Variants in KCNMA1 observed in about 807,000 individuals in gnomAD.
KCNMA1 encodes potassium calcium-activated channel subfamily M alpha 1, also known as Calcium-activated potassium channel subunit alpha-1.
In KCNMA1, 29 loss-of-function variants were observed where a neutral mutation model predicts 140.0. The ratio of observed to expected loss-of-function variants is 0.21; its 90% confidence interval spans 0.15 to 0.28. The LOEUF (loss-of-function observed/expected upper bound fraction) is 0.28, where lower values mean the gene tolerates loss of function less well. Among genes scored for constraint, KCNMA1 ranks in the 10% least tolerant of loss-of-function variants. The pLI is 1.00. For missense variants in KCNMA1, 880 were observed against 1,602.2 expected (o/e 0.55, Z 7.70); for synonymous variants, 612 against 611.9 (o/e 1.00, Z 0.00).
chr10:77,238,742 G>A (rs1434983500), intron 3 of KCNMA1, among the ~76,000 whole-genome samples: 1 of 152,184 alleles, frequency 6.6e-6, no homozygotes, highest in East Asian at 1.9e-4. Flanking sequence ...TGATCTTCAT[G>A]GCAGAAGAAA....
intron 1 of KCNMA1, among the ~76,000 whole-genome samples, chr10:77,536,371 C>T (rs993060997): frequency 6.6e-6 from 1 of 152,148 alleles, no homozygotes; most frequent in Non-Finnish European, 1.5e-5. Context: ...ATGGGCTTTC[C>T]CAGAGCTTAC....
At chr10:77,395,635 G>T (rs2096020385) in intron 2 of KCNMA1, among the ~76,000 whole-genome samples, 1 of 152,240 alleles carries the variant, frequency 6.6e-6, no homozygotes, top group Non-Finnish European at 1.5e-5. Flanking sequence ...CGAGGAGGGG[G>T]ATGAGAAATG....
At chr10:77,069,664 G>A (rs1196317820) in intron 14 of KCNMA1, among the ~76,000 whole-genome samples, 13 of 152,176 alleles carry the variant, frequency 8.5e-5, no homozygotes, top group Non-Finnish European at 1.5e-5. Flanking sequence ...ACATAGGAGT[G>A]AGGTTTTCAG....
At chr10:76,927,606 T>A (rs905276233) in intron 23 of KCNMA1, among the ~76,000 whole-genome samples, 21 of 152,220 alleles carry the variant, frequency 1.4e-4, no homozygotes, top group African/African-American at 4.8e-4. Flanking sequence ...TTAATGATAA[T>A]ATGGTTCTAG....
At chr10:77,196,581 T>C (rs2040572473) in intron 3 of KCNMA1, among the ~76,000 whole-genome samples, 1 of 152,204 alleles carries the variant, frequency 6.6e-6, no homozygotes, top group Non-Finnish European at 1.5e-5. Context: ...ATATGGTTAA[T>C]AGAATAGGAG....
chr10:77,350,047 T>C (rs2092687242), intron 2 of KCNMA1, among the ~76,000 whole-genome samples: 1 of 152,088 alleles, frequency 6.6e-6, no homozygotes. Context: ...TACAGGCGCC[T>C]GCCACCACAC....
intron 5 of KCNMA1, among the ~76,000 whole-genome samples, chr10:77,160,534 G>A (rs935856859): frequency 2.0e-5 from 3 of 152,226 alleles, no homozygotes; most frequent in African/African-American, 7.2e-5. Context: ...AGCAGGGGCA[G>A]ACCATAGTTC....
intron 2 of KCNMA1, among the ~76,000 whole-genome samples, chr10:77,381,244 A>C (rs2095372301): frequency 6.6e-6 from 1 of 152,230 alleles, no homozygotes; most frequent in African/African-American, 2.4e-5. Context: ...TAGTGGAGAC[A>C]GGGGAAGATA....
At chr10:77,448,371 A>G (rs2097567216) in intron 1 of KCNMA1, among the ~76,000 whole-genome samples, 2 of 152,242 alleles carry the variant, frequency 1.3e-5, no homozygotes, top group Admixed American at 1.3e-4. Context: ...TGCTGGGTAC[A>G]CATGACACAG....
chr10:76,988,643 C>T (rs897806087), intron 19 of KCNMA1, among the ~76,000 whole-genome samples: 5 of 152,132 alleles, frequency 3.3e-5, no homozygotes, highest in African/African-American at 1.2e-4. Flanking sequence ...CTGTTCTCCT[C>T]TTTTTGTGTT....
intron 3 of KCNMA1, among the ~76,000 whole-genome samples, chr10:77,210,259 G>A (rs2045618658): frequency 6.6e-6 from 1 of 152,136 alleles, no homozygotes; most frequent in Admixed American, 6.6e-5. Flanking sequence ...GGTTGGTTCA[G>A]TATATGCAAA....
chr10:77,301,504 A>G (rs1370922675), intron 2 of KCNMA1, among the ~76,000 whole-genome samples: 2 of 152,074 alleles, frequency 1.3e-5, no homozygotes, highest in Admixed American at 1.3e-4. Flanking sequence ...CTTTTGAAGG[A>G]TTATATTTCC....
At chr10:77,616,046 C>T (rs1384865262) in intron 1 of KCNMA1, among the ~76,000 whole-genome samples, 1 of 152,210 alleles carries the variant, frequency 6.6e-6, no homozygotes, top group Non-Finnish European at 1.5e-5. Flanking sequence ...AAATTGGCCA[C>T]AACCACCAAG....
intron 3 of KCNMA1, among the ~76,000 whole-genome samples, chr10:77,231,055 C>T (rs944682283): frequency 2.0e-5 from 3 of 152,184 alleles, no homozygotes; most frequent in African/African-American, 7.2e-5. Context: ...TGACAAGTTA[C>T]TTAGCTTGGG....
At chr10:77,006,023 T>G (rs1041228829) in intron 18 of KCNMA1, among the ~76,000 whole-genome samples, 2 of 152,170 alleles carry the variant, frequency 1.3e-5, no homozygotes, top group African/African-American at 4.8e-5. Flanking sequence ...GCTGTCAAAC[T>G]CAGGTTCTCT....
At chr10:77,536,028 A>G (rs1815284612) in intron 1 of KCNMA1, among the ~76,000 whole-genome samples, 1 of 152,262 alleles carries the variant, frequency 6.6e-6, no homozygotes, top group Admixed American at 6.5e-5. Flanking sequence ...CAAAATAGCT[A>G]GAAGAGAATA....
intron 1 of KCNMA1, among the ~76,000 whole-genome samples, chr10:77,406,685 T>C (rs1364498091): frequency 1.3e-5 from 2 of 152,126 alleles, no homozygotes; most frequent in African/African-American, 4.8e-5. Flanking sequence ...GGCCTCTCCC[T>C]TCACCCAAGG....
intron 3 of KCNMA1, among the ~76,000 whole-genome samples, chr10:77,231,453 G>C (rs1280238238): frequency 2.6e-5 from 4 of 152,208 alleles, no homozygotes; most frequent in East Asian, 1.9e-4. Flanking sequence ...CAATGAAATT[G>C]ATAGTGAAAC....
intron 7 of KCNMA1, among the ~76,000 whole-genome samples, chr10:77,110,813 C>G (rs2097302452): frequency 6.6e-6 from 1 of 152,212 alleles, no homozygotes; most frequent in East Asian, 1.9e-4. Context: ...CTGCCTCCTT[C>G]CATCAGTTTA....
Sources: allele counts gnomAD v4.1 joint callset (sites outside exome capture counted in the v4.1 genomes callset), GRCh38; gene constraint gnomAD v4.1.1; transcripts MANE v1.5; gene names NCBI Gene and HGNC (gene_info 2026-07-23, HGNC 2026-07-21).